The following UBE2O variants were observed in gnomAD, a reference collection of about 807,000 sequenced individuals.
UBE2O encodes the protein ubiquitin conjugating enzyme E2 O, also known as (E3-independent) E2 ubiquitin-conjugating enzyme.
In UBE2O, 15 loss-of-function variants were observed where a neutral mutation model predicts 125.8. The observed-to-expected ratio is 0.12, with a 90% confidence interval of 0.08 to 0.18. The LOEUF (loss-of-function observed/expected upper bound fraction) is 0.18, where lower values mean the gene tolerates loss of function less well. Among genes scored for constraint, UBE2O ranks in the 10% least tolerant of loss-of-function variants. The probability of loss-of-function intolerance (pLI) is 1.00; values close to 1 mark genes in which losing one functional copy is unlikely to be tolerated. For synonymous variants in UBE2O, 708 were observed against 703.2 expected, an observed-to-expected ratio of 1.01 and a Z score of -0.11; for missense variants, 1,280 against 1,723.6, an observed-to-expected ratio of 0.74 and a Z score of 4.56.
Position 76,396,456 on chromosome 17 carries a change from C to A in UBE2O, c.2481G>T (p.Met827Ile). 1.2e-6 allele frequency: 2 copies of A among 1,614,132 alleles called. No individual in the cohort carries two copies. The highest frequency in any genetic ancestry group is 2.2e-5 in the East Asian group (1 of 44,888). The change falls in exon 14 of 18, where the codon ATG becomes ATT. Residue 827 changes from methionine to isoleucine, a missense_variant. Physicochemically the swap from Met to Ile is conservative, Grantham distance 10. Around this residue, in one of 10 missense-constraint regions of UBE2O, gnomAD observed 210 missense variants for 268.9 expected, o/e 0.78. Transcript: ENST00000319380. The surrounding 1 kb of genome is among the most constrained non-coding windows in gnomAD (Gnocchi z 6.7). ...AGCCCGTCAGCAGCTGCTCCACAGT[C>A]ATGTTCTTGAGGCTCTCCAGGATCT... ...AIKILESLKN[M>I]TVEQLLTGSP...
intron 1 of UBE2O, among the ~76,000 whole-genome samples, chr17:76,440,505 T>G (rs1372788226): frequency 6.6e-6 from 1 of 152,150 alleles, no homozygotes; most frequent in Non-Finnish European, 1.5e-5. Context: ...TTTCTGTACT[T>G]TTTGAAGAGA....
At position 76,398,018 on chromosome 17, in the gene UBE2O, T is replaced by C. The variant is rs2072246637; in HGVS notation, c.2026-130A>G. Reference sequence around the variant, plus strand: ...CAAGGAACTTAGCTCCTCTGGTAAATGTAACCAGCGGCAGCTCAAGAAGCC... The same window carrying C: ...CAAGGAACTTAGCTCCTCTGGTAAACGTAACCAGCGGCAGCTCAAGAAGCC... On this transcript the variant is annotated intron_variant, in intron 12 of 17. Transcript: ENST00000319380. The surrounding 1 kb of genome is among the most constrained non-coding windows in gnomAD (Gnocchi z 5.4). 4.6e-6 allele frequency: 5 copies of C among 1,093,642 alleles called. No homozygotes were observed. The highest frequency in any genetic ancestry group is 1.4e-5 in the South Asian group (1 of 70,592). 67.7% of individuals were successfully genotyped at this position (1,093,642 alleles called of 1,614,324 possible).
chr17:76,452,697 C>A lies in UBE2O; in HGVS notation c.417+28G>T. 7.4e-7 allele frequency: 1 copy of A among 1,355,798 alleles called. No homozygotes were observed. The allele number at this position is 1,355,798 out of a possible 1,614,324, so 84.0% of individuals were successfully genotyped here. A position where few individuals can be genotyped will look rare whatever the true frequency, so the allele number is the denominator to read the frequency against. ...GCCCGGCCGCCGACCCCCTGCCGCC[C>A]GCGCCGCCCAGCCCCCGCCCGCCGC... On this transcript the variant is annotated intron_variant, in intron 1 of 17. Coordinates refer to ENST00000319380, the MANE Select transcript of UBE2O (RefSeq NM_022066.4). This position sits in a 1 kb window ranked among gnomAD's most constrained non-coding sequence, Gnocchi z 4.4.
chr17:76,402,392 T>G lies in UBE2O; in HGVS notation c.686+210A>C, dbSNP rs1430589004. On this transcript the variant is annotated intron_variant, in intron 4 of 17. Coordinates refer to ENST00000319380, the MANE Select transcript of UBE2O (RefSeq NM_022066.4). The surrounding 1 kb of genome is among the most constrained non-coding windows in gnomAD (Gnocchi z 5.4). ...TCCTCAGTGAAAACGTTTCTCCCCA[T>G]GCCAGGACAGATCAGAAACTGAGCA... Among the ~76,000 whole-genome samples, 1 of 152,124 alleles carries G rather than the reference T, an allele frequency of 6.6e-6. No homozygotes were observed. The highest frequency in any genetic ancestry group is 2.4e-5 in the African/African-American group (1 of 41,414).
In UBE2O at chr17:76,398,403, G is replaced by T. The variant is rs761999686; in HGVS notation, c.1897-20C>A. On this transcript the variant is annotated intron_variant, in intron 11 of 17. Transcript: ENST00000319380. The surrounding 1 kb of genome is among the most constrained non-coding windows in gnomAD (Gnocchi z 5.4). ...AATCAGCTGTGGCACAGGACAGGTT[G>T]TCATGAGCTAGGGGTCCTACACCCA... The T allele has an allele frequency of 6.2e-7, 1 of 1,613,988 alleles. No individual in the cohort carries two copies. The highest frequency in any genetic ancestry group is 1.3e-5 in the African/African-American group (1 of 74,884).
rs777099923 is a variant in UBE2O at position 76,396,084 on chromosome 17, C to T, written c.2809+44G>A. The T allele has an allele frequency of 1.5e-5, 24 of 1,596,370 alleles. No individual in the cohort carries two copies. Among genetic ancestry groups the T allele is most frequent in the South Asian group, 1.4e-4 (13 of 89,684 alleles). On this transcript the variant is annotated intron_variant, in intron 14 of 17. Transcript: ENST00000319380. This position sits in a 1 kb window ranked among gnomAD's most constrained non-coding sequence, Gnocchi z 6.7. ...GATCTGGTGACACAAACAGGAGCCC[C>T]GAGAAGGCGGGGGAAGGCGAAGACC...
intron 5 of UBE2O, 178 bp downstream of exon 5, chr17:76,401,886 A>AT (rs1192730450): frequency 4.6e-6 from 2 of 433,060 alleles, no homozygotes; most frequent in African/African-American, 4.1e-5. Flanking sequence ...AAAAAAAAAA[A>AT]AAAAAAAAAG....
intron 1 of UBE2O, among the ~76,000 whole-genome samples, chr17:76,442,504 C>T (rs2073089338): frequency 6.6e-6 from 1 of 152,154 alleles, no homozygotes. Context: ...GAAGATGTTT[C>T]CCAAGAGTCT....
intron 15 of UBE2O, among the ~76,000 whole-genome samples, chr17:76,392,913 T>C (rs1017887459): frequency 4.0e-5 from 6 of 151,112 alleles, no homozygotes; most frequent in Non-Finnish European, 8.8e-5. Context: ...GATTGTGCCA[T>C]TGAACTCTAG....
intron 1 of UBE2O, among the ~76,000 whole-genome samples, chr17:76,413,418 C>T (rs1172418617): frequency 6.6e-6 from 1 of 151,956 alleles, no homozygotes; most frequent in East Asian, 1.9e-4. Flanking sequence ...GGTTATAGAA[C>T]CAATTTAGTG....
intron 1 of UBE2O, among the ~76,000 whole-genome samples, chr17:76,407,417 T>G (rs1162240579): frequency 1.3e-5 from 2 of 152,170 alleles, no homozygotes; most frequent in African/African-American, 4.8e-5. Context: ...CCCCACCCTA[T>G]CTTAATCCCC....
chr17:76,443,771 G>GC, intron 1 of UBE2O, among the ~76,000 whole-genome samples: 1 of 152,202 alleles, frequency 6.6e-6, no homozygotes, highest in Admixed American at 6.5e-5. Context: ...AAGCAGGGAG[G>GC]TCACTCCAAA....
intron 1 of UBE2O, among the ~76,000 whole-genome samples, chr17:76,443,427 C>T (rs2073106045): frequency 6.6e-6 from 1 of 152,006 alleles, no homozygotes; most frequent in South Asian, 2.1e-4. Context: ...TAGCTGGGAT[C>T]ACAGGCACCC....
rs781195216 is a variant in UBE2O at position 76,398,906 on chromosome 17, C to T, written c.1714G>A (p.Asp572Asn). 1.1e-5 allele frequency: 18 copies of T among 1,614,126 alleles called. No homozygotes were observed. Among genetic ancestry groups the T allele is most frequent in the Admixed American group, 5.0e-5 (3 of 60,026 alleles). ...TCCAGGTGGTGCACAGGGAAGAGGT[C>T]GTTGGAGCGGATGTTGCATTCCACG... is the stretch of plus-strand genomic sequence containing the variant. ...GSVECNIRSN[D>N]LFPVHHLDNN... The change falls in exon 10 of 18, where the codon GAC becomes AAC. Residue 572 changes from aspartate (D) to asparagine (N), a missense_variant. Coordinates refer to ENST00000319380, the MANE Select transcript of UBE2O (RefSeq NM_022066.4). The surrounding 1 kb of genome is among the most constrained non-coding windows in gnomAD (Gnocchi z 5.4).
chr17:76,439,524 G>A (rs1163737543), intron 1 of UBE2O, among the ~76,000 whole-genome samples: 2 of 152,220 alleles, frequency 1.3e-5, no homozygotes, highest in African/African-American at 4.8e-5. Context: ...TCACTGCTCT[G>A]ATGGCCAATA....
chr17:76,398,372 T>C lies in UBE2O; in HGVS notation c.1908A>G (p.Glu636=). The change falls in exon 12 of 18, where the codon GAA becomes GAG. Residue 636 remains glutamate (E), a synonymous_variant. Transcript: ENST00000319380. This position sits in a 1 kb window ranked among gnomAD's most constrained non-coding sequence, Gnocchi z 5.4. ...PSGDDVELIG[E]EEDVSVYDIA... ...TGTCGTAAACACTCACATCTTCCTC[T>C]TCTCCAATCAGCTGTGGCACAGGAC... 3 of 1,614,102 alleles carry C rather than the reference T, an allele frequency of 1.9e-6. No individual in the cohort carries two copies. In the East Asian group the frequency reaches 6.7e-5, roughly 36 times the overall value.
intron 1 of UBE2O, among the ~76,000 whole-genome samples, chr17:76,444,354 G>C (rs1477366443): frequency 6.6e-6 from 1 of 152,218 alleles, no homozygotes; most frequent in Non-Finnish European, 1.5e-5. Context: ...TTCGAGACCA[G>C]CCTGGCCAAT....
At chr17:76,446,462 CAA>C (rs11325407) in intron 1 of UBE2O, among the ~76,000 whole-genome samples, 5 of 151,500 alleles carry the variant, frequency 3.3e-5, no homozygotes, top group South Asian at 4.2e-4. Flanking sequence ...CAAAAACAAA[CAA>C]AAAAAAAAAC....
rs570700558 is a variant in UBE2O, at chr17:76,436,153, A to G, written c.417+16572T>C. On this transcript the variant is annotated intron_variant, in intron 1 of 17. Coordinates refer to ENST00000319380, the MANE Select transcript of UBE2O (RefSeq NM_022066.4). ...TCCCAGCTACTCAGGAGGCTGAGGC[A>G]GGAGAATTGCTTGAACCCGGGAGGC... Among the ~76,000 whole-genome samples, 9 of 152,330 alleles carry G rather than the reference A, an allele frequency of 5.9e-5. No individual in the cohort carries two copies. In the South Asian group the frequency reaches 1.2e-3, roughly 21 times the overall value.
Sources: allele counts gnomAD v4.1 joint callset (sites outside exome capture counted in the v4.1 genomes callset), GRCh38; gene constraint gnomAD v4.1.1; regional missense constraint gnomAD v4.1.1; non-coding constraint Gnocchi (gnomAD v3.1); transcripts MANE v1.5; gene names NCBI Gene and HGNC (gene_info 2026-07-23, HGNC 2026-07-21).